Variants in SLC8A3 observed in about 807,000 individuals in gnomAD.
The protein encoded by SLC8A3 is solute carrier family 8 member A3.
Under a neutral mutation model 65.4 loss-of-function variants are expected in SLC8A3, and 37 were observed. That is an observed-to-expected ratio of 0.57 (90% CI 0.44 to 0.74). The LOEUF is 0.74. Among genes scored for constraint, SLC8A3 ranks in the 30% least tolerant of loss-of-function variants. SLC8A3 has a pLI of 0.00. For missense variants in SLC8A3, 1,112 were observed against 1,172.1 expected (o/e 0.95, Z 0.75); for synonymous variants, 461 against 444.5 (o/e 1.04, Z -0.47).
intron 2 of SLC8A3, among the ~76,000 whole-genome samples, chr14:70,092,045 T>C (rs1891837046): frequency 6.6e-6 from 1 of 152,200 alleles, no homozygotes; most frequent in South Asian, 2.1e-4. Flanking sequence ...TTGATTCTAT[T>C]CTAAAGAAAT....
intron 2 of SLC8A3, among the ~76,000 whole-genome samples, chr14:70,080,996 C>T (rs897262032): frequency 1.3e-5 from 2 of 152,206 alleles, no homozygotes; most frequent in Non-Finnish European, 2.9e-5. Context: ...GCCACCTGGA[C>T]TCCAAATCTA....
chr14:70,180,391 T>C (rs7144262), intron 1 of SLC8A3, among the ~76,000 whole-genome samples: 130,402 of 152,188 alleles, frequency 0.86, 55,953 homozygotes, highest in Admixed American at 0.88. Context: ...TTTGTATAAT[T>C]AACTCTAGGG....
intron 1 of SLC8A3, among the ~76,000 whole-genome samples, chr14:70,188,099 TC>T (rs762593854): frequency 2.0e-5 from 3 of 151,618 alleles, no homozygotes. Context: ...TCTCTGCCCC[TC>T]CCCACCCGGC....
intron 3 of SLC8A3, chr14:70,059,163 G>A (rs535448382): frequency 2.0e-5 from 3 of 152,418 alleles, no homozygotes; most frequent in African/African-American, 7.2e-5. Flanking sequence ...TGCCCCTAGA[G>A]CATCAGGTGT....
Position 70,167,696 on chromosome 14 carries a change from C to A in SLC8A3, c.727G>T (p.Val243Leu). 1.2e-6 allele frequency: 2 copies of A among 1,614,150 alleles called. No individual in the cohort carries two copies. The highest frequency in any genetic ancestry group is 8.5e-7 in the Non-Finnish European group (1 of 1,180,014). ...GCCACCCAGGCCAGAAGGACACACA[C>A]TGGAAAGAAGAAGAGAGTGAGGAGG... ...EGLLTLFFFP[V>L]CVLLAWVADK... Residue 243 changes from valine to leucine, a missense_variant, in exon 2 of 7, where the codon GTG (valine) becomes TTG (leucine). Physicochemically the swap from Val to Leu is conservative, Grantham distance 32. Transcript: ENST00000356921.
At chr14:70,177,244 A>T (rs534297830) in intron 1 of SLC8A3, among the ~76,000 whole-genome samples, 1 of 152,330 alleles carries the variant, frequency 6.6e-6, no homozygotes, top group Non-Finnish European at 1.5e-5. Flanking sequence ...AGAAGGGATA[A>T]TATCCAGTGA....
intron 1 of SLC8A3, among the ~76,000 whole-genome samples, chr14:70,181,402 T>A (rs892400460): frequency 6.6e-6 from 1 of 150,406 alleles, no homozygotes; most frequent in African/African-American, 2.5e-5. Flanking sequence ...ATTTCAGGCA[T>A]CATGTGACAT....
At chr14:70,082,271 T>A (rs545867339) in intron 2 of SLC8A3, among the ~76,000 whole-genome samples, 10 of 151,906 alleles carry the variant, frequency 6.6e-5, no homozygotes, top group South Asian at 2.1e-4. Flanking sequence ...TCAATTTTTT[T>A]AAAATAATTT....
At chr14:70,094,646 G>A (rs905087325) in intron 2 of SLC8A3, among the ~76,000 whole-genome samples, 1 of 152,202 alleles carries the variant, frequency 6.6e-6, no homozygotes, top group Non-Finnish European at 1.5e-5. Flanking sequence ...ATTGAGGGAG[G>A]AGTGGGGTTC....
chr14:70,116,467 T>C (rs546281306), intron 2 of SLC8A3, among the ~76,000 whole-genome samples: 3 of 152,248 alleles, frequency 2.0e-5, no homozygotes, highest in Middle Eastern at 3.4e-3. Context: ...CCAGATGCAG[T>C]GAGAGCTGGC....
At chr14:70,061,782 C>T (rs1046302751) in intron 2 of SLC8A3, among the ~76,000 whole-genome samples, 13 of 152,144 alleles carry the variant, frequency 8.5e-5, no homozygotes, top group African/African-American at 2.4e-4. Context: ...GCTTCTATCA[C>T]TTAGGGGTGA....
chr14:70,166,661 C>T lies in SLC8A3; in HGVS notation c.1762G>A (p.Glu588Lys). Residue 588 changes from glutamate to lysine, a missense_variant, in exon 2 of 7, where the codon GAA becomes AAA. Physicochemically the swap from Glu to Lys is moderately conservative, Grantham distance 56 (BLOSUM62 1). Transcript: ENST00000356921. Reference sequence around the variant, plus strand: ...TACACAGTTTCATCATTCTTGAATTCCAACTCCCCATATGTGTCTTCAAAG... The same window carrying T: ...TACACAGTTTCATCATTCTTGAATTTCAACTCCCCATATGTGTCTTCAAAG... Reference protein sequence around the residue: ...EDFEDTYGELEFKNDETVKTI... With the variant: ...EDFEDTYGELKFKNDETVKTI... The T allele has an allele frequency of 6.3e-7, 1 of 1,596,620 alleles. No homozygotes were observed. Among genetic ancestry groups the T allele is most frequent in the African/African-American group, 1.3e-5 (1 of 74,438 alleles).
chr14:70,138,807 C>A (rs1297723264), intron 2 of SLC8A3, among the ~76,000 whole-genome samples: 1 of 152,188 alleles, frequency 6.6e-6, no homozygotes, highest in African/African-American at 2.4e-5. Context: ...GCAGAAAGGA[C>A]CACAGTCTCA....
intron 2 of SLC8A3, among the ~76,000 whole-genome samples, chr14:70,106,017 A>C (rs1396542655): frequency 6.6e-6 from 1 of 152,192 alleles, no homozygotes; most frequent in Non-Finnish European, 1.5e-5. Flanking sequence ...AGATACATAA[A>C]GGAATGACAA....
At chr14:70,075,017 G>C (rs1167798567) in intron 2 of SLC8A3, among the ~76,000 whole-genome samples, 2 of 150,764 alleles carry the variant, frequency 1.3e-5, no homozygotes, top group East Asian at 3.9e-4. Flanking sequence ...CCTAAACAAG[G>C]AAGACAAGAG....
rs957672549 is a variant in SLC8A3 at position 70,052,031 on chromosome 14, G to A, written c.1972C>T (p.Pro658Ser). 10 of 1,612,646 alleles carry A rather than the reference G, an allele frequency of 6.2e-6. No individual in the cohort carries two copies. In the African/African-American group the frequency reaches 1.3e-4, roughly 22 times the overall value. Residue 658 changes from proline (P) to serine (S), a missense_variant, in exon 4 of 7, where the codon CCC (proline) becomes TCC (serine). Transcript: ENST00000356921. ...EMGKPVLGEH[P>S]KLEVIIEESY... ...TCTTCAATGATGACTTCTAGTTTGGGGTGTTCACCCAATACTGGCTTTCCC... is the reference window on the plus strand; with the variant it reads ...TCTTCAATGATGACTTCTAGTTTGGAGTGTTCACCCAATACTGGCTTTCCC...
chr14:70,092,747 T>C (rs1469857960), intron 2 of SLC8A3, among the ~76,000 whole-genome samples: 1 of 152,158 alleles, frequency 6.6e-6, no homozygotes, highest in Admixed American at 6.5e-5. Context: ...AGAAAAAAGA[T>C]GGCCTAAAAG....
At chr14:70,156,776 A>G (rs1380846437) in intron 2 of SLC8A3, among the ~76,000 whole-genome samples, 1 of 152,172 alleles carries the variant, frequency 6.6e-6, no homozygotes, top group Non-Finnish European at 1.5e-5. Flanking sequence ...GGAGAGCCTC[A>G]GGAGTACTGT....
At chr14:70,113,354 C>T (rs1018238604) in intron 2 of SLC8A3, among the ~76,000 whole-genome samples, 1 of 152,138 alleles carries the variant, frequency 6.6e-6, no homozygotes, top group Non-Finnish European at 1.5e-5. Context: ...TGTATCTAAA[C>T]ATATCTAGAC....
Sources: allele counts gnomAD v4.1 joint callset (sites outside exome capture counted in the v4.1 genomes callset), GRCh38; gene constraint gnomAD v4.1.1; transcripts MANE v1.5; gene names NCBI Gene and HGNC (gene_info 2026-07-23, HGNC 2026-07-21).